Variants in APOB observed in about 807,000 individuals in gnomAD.
APOB encodes apolipoprotein B.
A neutral mutation model predicts 314.1 loss-of-function variants in APOB; 153 were observed. The observed-to-expected ratio is 0.49, with a 90% confidence interval of 0.43 to 0.56. The LOEUF is 0.56. Ranked by LOEUF, APOB falls within the 20% of genes least tolerant of loss-of-function variation. The pLI, the probability that APOB is intolerant of heterozygous loss-of-function variation, is 0.00. For missense variants in APOB, 5,430 were observed against 5,350.7 expected (o/e 1.01, Z -0.46); for synonymous variants, 2,087 against 2,036.4 (o/e 1.02, Z -0.67).
Position 21,012,309 on chromosome 2 carries a change from A to G in APOB, c.4559T>C (p.Leu1520Pro). 4 of 1,614,168 alleles carry G rather than the reference A, an allele frequency of 2.5e-6. No individual in the cohort carries two copies. Among genetic ancestry groups the G allele is most frequent in the Non-Finnish European group, 2.5e-6 (3 of 1,180,030 alleles). ...NTGRLNGESN[L>P]RFNSSYLQGT... Reference sequence around the variant, plus strand: ...TTGGAGGTAGGAGGAGTTAAACCTCAGGTTGGACTCTCCATTGAGCCGGCC... The same window carrying G: ...TTGGAGGTAGGAGGAGTTAAACCTCGGGTTGGACTCTCCATTGAGCCGGCC... The change falls in exon 26 of 29, where the codon CTG (leucine) becomes CCG (proline). Residue 1520 changes from leucine (L) to proline (P), a missense_variant. This residue lies in a region of APOB where 2,085 missense variants were observed against 2,079.7 expected (regional missense o/e 1.00). Transcript: ENST00000233242.
rs774595056 is a variant in APOB at position 21,010,853 on chromosome 2, A to G, written c.6015T>C (p.Ile2005=). The G allele has an allele frequency of 1.2e-6, 2 of 1,614,088 alleles. No individual in the cohort carries two copies. The highest frequency in any genetic ancestry group is 1.7e-6 in the Non-Finnish European group (2 of 1,180,004). ...GAGTTCGTCCAGTAAGCTCCACGCC[A>G]ATTTTATCTTTAGTGTTGTAAGCAT... ...DLDAYNTKDK[I]GVELTGRTLA... is the part of the protein sequence containing the mutation. Residue 2005 remains isoleucine (I), a synonymous_variant, in exon 26 of 29, where the codon ATT becomes ATC. Coordinates refer to ENST00000233242, the MANE Select transcript of APOB (RefSeq NM_000384.3).
rs903021879 is a variant in APOB, at chr2:21,024,913, A to G, written c.2436+20T>C. The G allele has an allele frequency of 9.9e-6, 16 of 1,613,270 alleles. No individual in the cohort carries two copies. In the Admixed American group the frequency reaches 2.5e-4, roughly 25 times the overall value. On this transcript the variant is annotated intron_variant, in intron 16 of 28. Coordinates refer to ENST00000233242, the MANE Select transcript of APOB (RefSeq NM_000384.3). ...CCAACGTCTGGTCTCATGGGCCCCC[A>G]GTGGGGCCTGCTGACTTACCATCTG...
At position 21,010,200 on chromosome 2, in the gene APOB, A is replaced by C. The variant is rs1445293277; in HGVS notation, c.6668T>G (p.Val2223Gly). Residue 2223 changes from valine to glycine, a missense_variant, in exon 26 of 29, where the codon GTA becomes GGA. Val to Gly is a moderately radical substitution (Grantham distance 109). Coordinates refer to ENST00000233242, the MANE Select transcript of APOB (RefSeq NM_000384.3). ...CAAATGTAGATCATGGATTGTTTTT[A>C]CTAAATTTACACGGATATGATAGTG... The part of the protein sequence containing the change: ...DEHYHIRVNL[V>G]KTIHDLHLFI... 6.3e-7 allele frequency: 1 copy of C among 1,593,526 alleles called. No homozygotes were observed. Among genetic ancestry groups the C allele is most frequent in the Admixed American group, 1.7e-5 (1 of 59,426 alleles).
In APOB at chr2:21,013,430, C is replaced by G; in HGVS notation, c.3946G>C (p.Val1316Leu). 1 of 1,614,226 alleles carries G rather than the reference C, an allele frequency of 6.2e-7. No individual in the cohort carries two copies. Among genetic ancestry groups the G allele is most frequent in the South Asian group, 1.1e-5 (1 of 91,092 alleles). The change falls in exon 25 of 29, where the codon GTT becomes CTT. Residue 1316 changes from valine (V) to leucine (L), a missense_variant. Val to Leu is a conservative substitution (Grantham distance 32). This residue lies in a region of APOB where 2,085 missense variants were observed against 2,079.7 expected (regional missense o/e 1.00). Coordinates refer to ENST00000233242, the MANE Select transcript of APOB (RefSeq NM_000384.3). The part of the protein sequence containing the change: ...SSRDLKMLET[V>L]RTPALHFKSV... ...TTGAAGTGGAGGGCTGGTGTCCTAA[C>G]AGTCTCTAACATCTTTAGATCTCTG...
chr2:21,005,595 A>G lies in APOB; in HGVS notation c.11273T>C (p.Val3758Ala), dbSNP rs998871696. The change falls in exon 26 of 29, where the codon GTT becomes GCT. Residue 3758 changes from valine (V) to alanine (A), a missense_variant. Transcript: ENST00000233242. ...TCTGAAGTCAAGTTTGCACGATGGA[A>G]CCTGAAGATCTGTAAATGGGACATG... ...TFHVPFTDLQ[V>A]PSCKLDFREI... is the part of the protein sequence containing the mutation. The G allele has an allele frequency of 1.9e-6, 3 of 1,614,092 alleles. No homozygotes were observed. Among genetic ancestry groups the G allele is most frequent in the Non-Finnish European group, 2.5e-6 (3 of 1,179,968 alleles).
At position 21,008,052 on chromosome 2, in the gene APOB, T is replaced by C. The variant is rs1204806424; in HGVS notation, c.8816A>G (p.Glu2939Gly). The change falls in exon 26 of 29, where the codon GAG (glutamate) becomes GGG (glycine). Residue 2939 changes from glutamate to glycine, a missense_variant. By Grantham distance (98) the Glu-to-Gly change is moderately conservative. Around this residue, in one of 3 missense-constraint regions of APOB, gnomAD observed 3,281 missense variants for 3,171.0 expected, o/e 1.03. Transcript: ENST00000233242. ...ACTAATTTGTGATTCATGTGTTCCCTCATCTGAGAATCTGGGGCAGGCCCA... is the reference window on the plus strand; with the variant it reads ...ACTAATTTGTGATTCATGTGTTCCCCCATCTGAGAATCTGGGGCAGGCCCA... The part of the protein sequence containing the change: ...WKWACPRFSD[E>G]GTHESQISFT... The C allele has an allele frequency of 6.2e-7, 1 of 1,614,012 alleles. No homozygotes were observed. The highest frequency in any genetic ancestry group is 1.3e-5 in the African/African-American group (1 of 74,922).
At chr2:21,019,987 C>G in intron 18 of APOB, 82 bp from the exon 19 acceptor site, 1 of 1,257,116 alleles carries the variant, frequency 8.0e-7, no homozygotes, top group Non-Finnish European at 1.2e-6. Context: ...TGCAAATACC[C>G]CCTTATCCTC....
rs773393299 is a variant in APOB, at chr2:21,008,176, G to T, written c.8692C>A (p.Leu2898Met). The change falls in exon 26 of 29, where the codon CTG (leucine) becomes ATG (methionine). Residue 2898 changes from leucine (L) to methionine (M), a missense_variant. Around this residue, in one of 3 missense-constraint regions of APOB, gnomAD observed 3,281 missense variants for 3,171.0 expected, o/e 1.03. Transcript: ENST00000233242. ...AGGTCAGCCTGACTAGAGAAGTCCA[G>T]TTTGGGGATGTTCAATTTGTGGAAG... ...KYFHKLNIPK[L>M]DFSSQADLRN... is the part of the protein sequence containing the mutation. 6.2e-7 allele frequency: 1 copy of T among 1,614,100 alleles called. No homozygotes were observed. Among genetic ancestry groups the T allele is most frequent in the Non-Finnish European group, 8.5e-7 (1 of 1,179,982 alleles).
rs1663359495 is a variant in APOB at position 21,012,664 on chromosome 2, T to C, written c.4217-13A>G. On this transcript the variant is annotated splice_polypyrimidine_tract_variant and intron_variant, in intron 25 of 28. Coordinates refer to ENST00000233242, the MANE Select transcript of APOB (RefSeq NM_000384.3). Reference sequence around the variant, plus strand: ...GTTTCTCCAGATCCTAACATAAAAATGAAAAGACATTGGTTAAATTAAGCA... The same window carrying C: ...GTTTCTCCAGATCCTAACATAAAAACGAAAAGACATTGGTTAAATTAAGCA... 1.3e-5 allele frequency: 21 copies of C among 1,608,238 alleles called. No individual in the cohort carries two copies. Among genetic ancestry groups the C allele is most frequent in the Non-Finnish European group, 1.7e-5 (20 of 1,179,140 alleles).
At chr2:21,019,938 C>T (rs1481905098) in intron 18 of APOB, 33 bp from the exon 19 acceptor site, 2 of 1,606,504 alleles carry the variant, frequency 1.2e-6, no homozygotes, top group Non-Finnish European at 1.7e-6. Flanking sequence ...GAGTTATTGC[C>T]AAGTCATGAA....
At chr2:21,003,432 G>A in intron 28 of APOB, 98 bp from the exon 29 acceptor site, 1 of 1,110,922 alleles carries the variant, frequency 9.0e-7, no homozygotes, top group Non-Finnish European at 1.3e-6. Flanking sequence ...ATAAAGATCA[G>A]AGAATCTTTC....
At position 21,002,471 on chromosome 2, in the gene APOB, C is replaced by G. The variant is rs372957651; in HGVS notation, c.12951G>C (p.Leu4317=). 5 of 1,608,820 alleles carry G rather than the reference C, an allele frequency of 3.1e-6. No homozygotes were observed. In the African/African-American group the frequency reaches 6.7e-5, roughly 22 times the overall value. ...FQLIEDNIKQ[L]KEMKFTYLIN... ...TAAGATAAGTAAATTTCATCTCTTT[C>G]AGCTGTTTAATGTTATCTTCTATTA... Residue 4317 remains leucine, a synonymous_variant, in exon 29 of 29, where the codon CTG becomes CTC. Transcript: ENST00000233242.
At chr2:21,021,907 TTG>T (rs1305774786) in intron 18 of APOB, among the ~76,000 whole-genome samples, 5 of 152,222 alleles carry the variant, frequency 3.3e-5, no homozygotes, top group African/African-American at 1.2e-4. Context: ...GTCAGGGACC[TTG>T]TGTGTCTCAC....
In APOB at chr2:21,012,420, T is replaced by G. The variant is rs1663351127; in HGVS notation, c.4448A>C (p.Glu1483Ala). 1.5e-5 allele frequency: 24 copies of G among 1,614,158 alleles called. No individual in the cohort carries two copies. Among genetic ancestry groups the G allele is most frequent in the Non-Finnish European group, 1.9e-5 (23 of 1,180,016 alleles). The change falls in exon 26 of 29, where the codon GAA (glutamate) becomes GCA (alanine). Residue 1483 changes from glutamate (E) to alanine (A), a missense_variant. Transcript: ENST00000233242. ...TCTGAACTGCCCATCAATCTTGACTTCTTTGACAAACAAATGCTGTTTCTT... is the reference window on the plus strand; with the variant it reads ...TCTGAACTGCCCATCAATCTTGACTGCTTTGACAAACAAATGCTGTTTCTT... The part of the protein sequence containing the change: ...SKKKQHLFVK[E>A]VKIDGQFRVS...
chr2:21,021,392 T>A (rs1054051799), intron 18 of APOB, among the ~76,000 whole-genome samples: 1 of 152,188 alleles, frequency 6.6e-6, no homozygotes, highest in Non-Finnish European at 1.5e-5. Context: ...GTAAGAGATG[T>A]CCAATGGTCT....
intron 1 of APOB, 110 bp from the exon 2 acceptor site, chr2:21,043,661 G>T: frequency 2.0e-6 from 3 of 1,513,710 alleles, no homozygotes; most frequent in African/African-American, 1.4e-5. Context: ...AGGGAGGCAG[G>T]CTCCGGAGAC....
chr2:21,009,666 A>G lies in APOB; in HGVS notation c.7202T>C (p.Val2401Ala), dbSNP rs1379851142. The G allele has an allele frequency of 5.6e-6, 9 of 1,613,356 alleles. No individual in the cohort carries two copies. Among genetic ancestry groups the G allele is most frequent in the Non-Finnish European group, 6.8e-6 (8 of 1,179,554 alleles). Residue 2401 changes from valine to alanine, a missense_variant, in exon 26 of 29, where the codon GTC (valine) becomes GCC (alanine). Physicochemically the swap from Val to Ala is moderately conservative, Grantham distance 64. Coordinates refer to ENST00000233242, the MANE Select transcript of APOB (RefSeq NM_000384.3). ...EKLVGFIDDA[V>A]KKLNELSFKT... ...AAAAGATAATTCATTAAGCTTCTTGACAGCATCATCAATAAATCCAACCAA... is the reference window on the plus strand; with the variant it reads ...AAAAGATAATTCATTAAGCTTCTTGGCAGCATCATCAATAAATCCAACCAA...
chr2:21,025,027 C>A lies in APOB; in HGVS notation c.2342G>T (p.Gly781Val). ...GAGACTGGCAAAACCAAGCTCCTCT[C>A]CCAAGATGCGGAGGTAGGCTCTGGC... ...PEARAYLRIL[G>V]EELGFASLHD... Residue 781 changes from glycine (G) to valine (V), a missense_variant, in exon 16 of 29, where the codon GGA (glycine) becomes GTA (valine). This residue lies in a region of APOB where 2,085 missense variants were observed against 2,079.7 expected (regional missense o/e 1.00). Transcript: ENST00000233242. 2 of 1,614,236 alleles carry A rather than the reference C, an allele frequency of 1.2e-6. No individual in the cohort carries two copies. Among genetic ancestry groups the A allele is most frequent in the Non-Finnish European group, 1.7e-6 (2 of 1,180,040 alleles).
At position 21,022,971 on chromosome 2, in the gene APOB, C is replaced by T. The variant is rs759072451; in HGVS notation, c.2676G>A (p.Pro892=). 24 of 1,614,020 alleles carry T rather than the reference C, an allele frequency of 1.5e-5. No homozygotes were observed. The highest frequency in any genetic ancestry group is 6.7e-5 in the African/African-American group (5 of 74,900). The change falls in exon 18 of 29, where the codon CCG becomes CCA. Residue 892 remains proline (P), a synonymous_variant. Coordinates refer to ENST00000233242, the MANE Select transcript of APOB (RefSeq NM_000384.3). ...TCTGGACCCCACTCCTAGCGAAGTCCGGAATGATGATGCCCATATTTGTCA... is the reference window on the plus strand; with the variant it reads ...TCTGGACCCCACTCCTAGCGAAGTCTGGAATGATGATGCCCATATTTGTCA... The part of the protein sequence containing the change: ...EFVTNMGIII[P]DFARSGVQMN...
Sources: allele counts gnomAD v4.1 joint callset (sites outside exome capture counted in the v4.1 genomes callset), GRCh38; gene constraint gnomAD v4.1.1; regional missense constraint gnomAD v4.1.1; transcripts MANE v1.5; gene names NCBI Gene and HGNC (gene_info 2026-07-23, HGNC 2026-07-21).